DCC: variants seen among roughly 807,000 people sequenced by gnomAD.
The protein encoded by DCC is DCC netrin 1 receptor.
In DCC, 58 loss-of-function variants were observed where a neutral mutation model predicts 172.5. The observed-to-expected ratio is 0.34, with a 90% CI of 0.27 to 0.42. The LOEUF (loss-of-function observed/expected upper bound fraction) is 0.42. Among genes scored for constraint, DCC ranks in the 10% least tolerant of loss-of-function variants. DCC has a pLI of 1.00. For synonymous variants in DCC, 709 were observed against 644.5 expected, an observed-to-expected ratio of 1.10 and a Z score of -1.52; for missense variants, 1,740 against 1,791.0, an observed-to-expected ratio of 0.97 and a Z score of 0.51.
At chr18:52,500,113 G>GTTT (rs34895630) in intron 1 of DCC, among the ~76,000 whole-genome samples, 1 of 144,858 alleles carries the variant, frequency 6.9e-6, no homozygotes. Context: ...ATTTTCACTA[G>GTTT]TTTTTTTTTT....
At chr18:52,795,065 C>G (rs891333470) in intron 2 of DCC, among the ~76,000 whole-genome samples, 4 of 151,308 alleles carry the variant, frequency 2.6e-5, no homozygotes, top group Non-Finnish European at 5.9e-5. Context: ...CTGTATTGAT[C>G]AGAAAAAATG....
intron 1 of DCC, among the ~76,000 whole-genome samples, chr18:52,591,962 C>A (rs1390130579): frequency 1.3e-5 from 2 of 151,946 alleles, no homozygotes; most frequent in African/African-American, 4.8e-5. Context: ...CTTTCAAATT[C>A]TTAAGCATCT....
At position 52,505,221 on chromosome 18, in the gene DCC, C is replaced by T. The variant is rs115743303; in HGVS notation, c.91+164343C>T. On this transcript the variant is annotated intron_variant, in intron 1 of 28. Coordinates refer to ENST00000442544, the MANE Select transcript of DCC (RefSeq NM_005215.4). ...AACTGGATTTCAGCAGCATTTTATT[C>T]AGTTTCCACCTCAGTATTTTCATCT... is the stretch of plus-strand genomic sequence containing the variant. Among the ~76,000 whole-genome samples, 1,173 of 151,952 alleles carry T rather than the reference C, an allele frequency of 7.7e-3. 17 individuals are homozygous for T. The highest frequency in any genetic ancestry group is 0.025 in the African/African-American group (1,031 of 41,420).
chr18:53,095,792 C>CTTTTTTTTTTTTTT, intron 7 of DCC, among the ~76,000 whole-genome samples: 1 of 126,252 alleles, frequency 7.9e-6, no homozygotes, highest in Non-Finnish European at 1.6e-5. Flanking sequence ...ATATGGATAT[C>CTTTTTTTTTTTTTT]TTTTTTTTTT....
chr18:53,099,730 A>C (rs1156349505), intron 7 of DCC, among the ~76,000 whole-genome samples: 1 of 152,090 alleles, frequency 6.6e-6, no homozygotes, highest in Non-Finnish European at 1.5e-5. Flanking sequence ...ACCCCAAAAA[A>C]GGGGCTTCAG....
At chr18:53,381,517 T>C (rs1481560806) in intron 15 of DCC, among the ~76,000 whole-genome samples, 3 of 151,162 alleles carry the variant, frequency 2.0e-5, no homozygotes, top group Non-Finnish European at 4.4e-5. Flanking sequence ...ACTTCAAATC[T>C]CCTAGCATAA....
chr18:52,513,424 G>A (rs1377795021), intron 1 of DCC, among the ~76,000 whole-genome samples: 1 of 149,732 alleles, frequency 6.7e-6, no homozygotes, highest in Non-Finnish European at 1.5e-5. Context: ...TTCAAGGACT[G>A]TGTGAGTTGA....
intron 2 of DCC, among the ~76,000 whole-genome samples, chr18:52,784,893 C>G (rs2037624420): frequency 7.6e-6 from 1 of 132,350 alleles, no homozygotes; most frequent in Admixed American, 8.7e-5. Context: ...AGAGCAGGTC[C>G]TAGGGAGGTG....
intron 1 of DCC, among the ~76,000 whole-genome samples, chr18:52,502,319 G>A (rs2031052953): frequency 6.6e-6 from 1 of 152,142 alleles, no homozygotes; most frequent in Admixed American, 6.6e-5. Flanking sequence ...TATCTCAAAG[G>A]TTATGAGTTA....
chr18:52,589,418 C>T (rs933348897), intron 1 of DCC, among the ~76,000 whole-genome samples: 3 of 152,150 alleles, frequency 2.0e-5, no homozygotes, highest in African/African-American at 4.8e-5. Flanking sequence ...ACCTTCTAAG[C>T]TTTTGGGTTT....
At chr18:52,988,730 T>C (rs1343403219) in intron 5 of DCC, among the ~76,000 whole-genome samples, 2 of 152,172 alleles carry the variant, frequency 1.3e-5, no homozygotes, top group Non-Finnish European at 1.5e-5. Context: ...ATGTGACTTA[T>C]GTATGATGAA....
chr18:53,099,073 G>A (rs184696841), intron 7 of DCC, among the ~76,000 whole-genome samples: 90 of 152,036 alleles, frequency 5.9e-4, no homozygotes, highest in African/African-American at 2.0e-3. Context: ...GCAGAATAAC[G>A]GCCTATTCCT....
chr18:53,211,621 G>A (rs1329450786), intron 11 of DCC, among the ~76,000 whole-genome samples: 2 of 152,170 alleles, frequency 1.3e-5, no homozygotes, highest in African/African-American at 4.8e-5. Flanking sequence ...CTACTCGGGA[G>A]GCTGAGGCAG....
At chr18:52,341,082 G>A (rs970744519) in intron 1 of DCC, among the ~76,000 whole-genome samples, 1 of 152,050 alleles carries the variant, frequency 6.6e-6, no homozygotes, top group African/African-American at 2.4e-5. Flanking sequence ...GTGGTACAAG[G>A]GGCGCCCCTT....
At chr18:53,417,523 C>T (rs1275124026) in intron 21 of DCC, among the ~76,000 whole-genome samples, 1 of 152,120 alleles carries the variant, frequency 6.6e-6, no homozygotes. Context: ...TAGTCTTGGT[C>T]AAATCCAAAT....
chr18:52,835,862 T>A (rs1310930844), intron 2 of DCC, among the ~76,000 whole-genome samples: 1 of 152,214 alleles, frequency 6.6e-6, no homozygotes, highest in African/African-American at 2.4e-5. Context: ...TTCAAAAAGA[T>A]TCAGATGGCA....
In DCC at chr18:53,529,160, T is replaced by G. The variant is rs12963678; in HGVS notation, c.4255-1404T>G. 4.7e-3 allele frequency among the ~76,000 whole-genome samples: 710 copies of G among 152,096 alleles called. 3 individuals are homozygous for G. Among genetic ancestry groups the G allele is most frequent in the Middle Eastern group, 0.027 (8 of 294 alleles). Reference sequence around the variant, plus strand: ...CTATTAAGCCCTGAAGATTGGGTAGTGTATGCCCGAATCATTCACTGACAT... The same window carrying G: ...CTATTAAGCCCTGAAGATTGGGTAGGGTATGCCCGAATCATTCACTGACAT... On this transcript the variant is annotated intron_variant, in intron 28 of 28. Transcript: ENST00000442544.
intron 7 of DCC, among the ~76,000 whole-genome samples, chr18:53,099,385 C>T (rs1342290396): frequency 6.6e-6 from 1 of 152,000 alleles, no homozygotes; most frequent in African/African-American, 2.4e-5. Context: ...CCTACTATGC[C>T]CTTTGACATG....
intron 1 of DCC, among the ~76,000 whole-genome samples, chr18:52,722,428 A>C (rs914358288): frequency 6.6e-6 from 1 of 152,134 alleles, no homozygotes; most frequent in Non-Finnish European, 1.5e-5. Context: ...GTTATATCTT[A>C]ATTTGTTTAG....
Sources: allele counts gnomAD v4.1 joint callset (sites outside exome capture counted in the v4.1 genomes callset), GRCh38; gene constraint gnomAD v4.1.1; transcripts MANE v1.5; gene names NCBI Gene and HGNC (gene_info 2026-07-23, HGNC 2026-07-21).